The following MED13L variants were observed in gnomAD, a reference collection of about 807,000 sequenced individuals.
MED13L encodes mediator of RNA polymerase II transcription subunit 13-like.
A neutral mutation model predicts 220.9 loss-of-function variants in MED13L; 7 were observed. The observed-to-expected ratio is 0.03, with a 90% CI of 0.02 to 0.06. MED13L has a LOEUF of 0.06. Among genes scored for constraint, MED13L ranks in the 10% least tolerant of loss-of-function variants. MED13L has a pLI of 1.00. For missense variants in MED13L, 1,965 were observed against 2,760.5 expected, an observed-to-expected ratio of 0.71 and a Z score of 6.46; for synonymous variants, 1,011 against 1,015.2, an observed-to-expected ratio of 1.00 and a Z score of 0.08.
chr12:116,174,488 T>G (rs1301511136), intron 2 of MED13L: 3 of 139,076 alleles, frequency 2.2e-5, no homozygotes, highest in Non-Finnish European at 4.7e-5. Flanking sequence ...TTTTGTTTTG[T>G]TTTTTTTTTT....
intron 2 of MED13L, among the ~76,000 whole-genome samples, chr12:116,201,864 A>G (rs949097861): frequency 1.3e-5 from 2 of 152,216 alleles, no homozygotes; most frequent in Non-Finnish European, 2.9e-5. Context: ...TAAGTTCTAA[A>G]AAGAATTAGG....
At chr12:116,224,486 C>G (rs551598688) in intron 2 of MED13L, among the ~76,000 whole-genome samples, 16 of 152,304 alleles carry the variant, frequency 1.1e-4, no homozygotes, top group Non-Finnish European at 2.1e-4. Flanking sequence ...TAACAATGCT[C>G]TGTGTGTATA....
Position 115,963,230 on chromosome 12 carries a change from C to T in MED13L, c.6500+177G>A, listed in dbSNP as rs955633956. The stretch of plus-strand genomic sequence containing the variant: ...CCTAACTGAATCCAATGTATTACAC[C>T]GCCTGTCCCATGCAGCTATGAGGGA... On this transcript the variant is annotated intron_variant, in intron 30 of 30. Transcript: ENST00000281928. Among the ~76,000 whole-genome samples the T allele has an allele frequency of 3.9e-5, 6 of 152,166 alleles. No homozygotes were observed. The East Asian group carries it at 7.7e-4, about 20-fold the overall frequency.
chr12:116,090,252 C>G (rs955839806), intron 4 of MED13L, among the ~76,000 whole-genome samples: 1 of 152,170 alleles, frequency 6.6e-6, no homozygotes, highest in Non-Finnish European at 1.5e-5. Flanking sequence ...TAGGTGGTCA[C>G]CTCTGTAATA....
chr12:116,049,585 C>T (rs1882034255), intron 4 of MED13L, among the ~76,000 whole-genome samples: 2 of 152,112 alleles, frequency 1.3e-5, no homozygotes, highest in African/African-American at 4.8e-5. Flanking sequence ...GGCACAACCT[C>T]GAATTTACAC....
chr12:116,196,769 A>G (rs1406605170), intron 2 of MED13L, among the ~76,000 whole-genome samples: 1 of 152,208 alleles, frequency 6.6e-6, no homozygotes, highest in Non-Finnish European at 1.5e-5. Context: ...CTGTGTCTAC[A>G]TAGCTTAAGA....
chr12:116,275,345 A>T (rs950553897), intron 1 of MED13L, among the ~76,000 whole-genome samples: 3 of 152,204 alleles, frequency 2.0e-5, no homozygotes, highest in Non-Finnish European at 4.4e-5. Flanking sequence ...CACAATACTA[A>T]GAGAAAGAAT....
chr12:116,136,890 T>C (rs551189708), intron 2 of MED13L, among the ~76,000 whole-genome samples: 1 of 152,198 alleles, frequency 6.6e-6, no homozygotes, highest in African/African-American at 2.4e-5. Context: ...ACATTTGATT[T>C]TCCTGAATAA....
At chr12:115,962,256 T>C (rs1225626843) in intron 30 of MED13L, among the ~76,000 whole-genome samples, 2 of 152,292 alleles carry the variant, frequency 1.3e-5, no homozygotes, top group East Asian at 3.9e-4. Context: ...TTCCACGTGG[T>C]GGGGGATGGT....
intron 4 of MED13L, among the ~76,000 whole-genome samples, chr12:116,025,218 G>T (rs1371567649): frequency 6.6e-6 from 1 of 152,166 alleles, no homozygotes; most frequent in Non-Finnish European, 1.5e-5. Flanking sequence ...TCATCAAAAA[G>T]ATAACAGATA....
intron 1 of MED13L, among the ~76,000 whole-genome samples, chr12:116,261,428 C>T (rs901471651): frequency 7.1e-6 from 1 of 141,412 alleles, no homozygotes; most frequent in Non-Finnish European, 1.5e-5. Context: ...ACCTCAGAGG[C>T]GGAGGGTGCA....
intron 4 of MED13L, among the ~76,000 whole-genome samples, chr12:116,048,781 C>G (rs1881987400): frequency 6.6e-6 from 1 of 152,004 alleles, no homozygotes; most frequent in African/African-American, 2.4e-5. Flanking sequence ...TGAGGCAGTG[C>G]CTAAGTTACA....
intron 3 of MED13L, among the ~76,000 whole-genome samples, chr12:116,103,999 CTTTTTTTTTTTT>C (rs36066243): frequency 1.6e-4 from 9 of 57,420 alleles, no homozygotes; most frequent in African/African-American, 3.8e-4. Context: ...GGACATTGCT[CTTTTTTTTTTTT>C]TTTTTTTTTT....
At chr12:115,966,514 A>T (rs1332652290) in intron 28 of MED13L, among the ~76,000 whole-genome samples, 1 of 152,216 alleles carries the variant, frequency 6.6e-6, no homozygotes, top group African/African-American at 2.4e-5. Flanking sequence ...GATCTATTTC[A>T]TGGCATTATG....
intron 4 of MED13L, among the ~76,000 whole-genome samples, chr12:116,061,074 T>C (rs558306566): frequency 3.9e-4 from 60 of 152,316 alleles, no homozygotes; most frequent in African/African-American, 1.4e-3. Flanking sequence ...AATGCTTCTA[T>C]ATGAGGTCTC....
At chr12:116,078,340 T>C (rs1197343021) in intron 4 of MED13L, among the ~76,000 whole-genome samples, 1 of 152,164 alleles carries the variant, frequency 6.6e-6, no homozygotes, top group Non-Finnish European at 1.5e-5. Flanking sequence ...ATAATTTAAT[T>C]TCTACATATA....
At chr12:116,121,549 G>C (rs550765152) in intron 2 of MED13L, among the ~76,000 whole-genome samples, 2 of 152,256 alleles carry the variant, frequency 1.3e-5, no homozygotes, top group African/African-American at 4.8e-5. Context: ...AATAGGGTAG[G>C]GAGGAGCATA....
intron 2 of MED13L, among the ~76,000 whole-genome samples, chr12:116,186,260 A>C (rs1880894970): frequency 6.6e-6 from 1 of 152,154 alleles, no homozygotes; most frequent in Non-Finnish European, 1.5e-5. Flanking sequence ...TCTCTATCCT[A>C]CTTGACTGAG....
At chr12:116,089,653 C>T (rs144104786) in intron 4 of MED13L, among the ~76,000 whole-genome samples, 4 of 152,090 alleles carry the variant, frequency 2.6e-5, no homozygotes, top group African/African-American at 9.6e-5. Flanking sequence ...GACAACATTC[C>T]CCTCTCGCCT....
Sources: allele counts gnomAD v4.1 joint callset (sites outside exome capture counted in the v4.1 genomes callset), GRCh38; gene constraint gnomAD v4.1.1; transcripts MANE v1.5; gene names NCBI Gene and HGNC (gene_info 2026-07-23, HGNC 2026-07-21).